ZNF680: variants seen among roughly 807,000 people sequenced by gnomAD.
ZNF680 encodes zinc finger protein 680.
In ZNF680, 6 loss-of-function variants were observed where a neutral mutation model predicts 12.1. The observed-to-expected ratio is 0.49, with a 90% CI of 0.27 to 0.98. ZNF680 has a LOEUF of 0.98. ZNF680 is among the 50% of genes least tolerant of loss of function. The pLI, the probability that ZNF680 is intolerant of heterozygous loss-of-function variation, is 0.12. For missense variants in ZNF680, 561 were observed against 616.3 expected, an observed-to-expected ratio of 0.91 and a Z score of 0.95; for synonymous variants, 170 against 199.3, an observed-to-expected ratio of 0.85 and a Z score of 1.24.
intron 1 of ZNF680, among the ~76,000 whole-genome samples, chr7:64,560,699 C>T (rs1787685954): frequency 6.6e-6 from 1 of 151,966 alleles, no homozygotes; most frequent in Non-Finnish European, 1.5e-5. Flanking sequence ...GTAGTCTCAG[C>T]TACTCAGGAG....
the ZNF680 span, among the ~76,000 whole-genome samples, chr7:64,504,512 A>G: frequency 6.6e-6 from 1 of 152,246 alleles, no homozygotes; most frequent in African/African-American, 2.4e-5. Flanking sequence ...AAAATTTTCC[A>G]TGAATCCAAA....
chr7:64,506,468 G>A, the ZNF680 span, among the ~76,000 whole-genome samples: 2 of 151,960 alleles, frequency 1.3e-5, no homozygotes, highest in African/African-American at 2.4e-5. Flanking sequence ...GATTACAGGC[G>A]TGAGCCACCA....
chr7:64,526,541 C>T (rs1791855335), intron 3 of ZNF680: 2 of 487,332 alleles, frequency 4.1e-6, no homozygotes, highest in Non-Finnish European at 7.0e-6. Flanking sequence ...AACAGAAATG[C>T]TAAAATGAGT....
At chr7:64,532,855 C>T (rs960231668) in intron 3 of ZNF680, among the ~76,000 whole-genome samples, 3 of 152,182 alleles carry the variant, frequency 2.0e-5, no homozygotes, top group Non-Finnish European at 4.4e-5. Flanking sequence ...ACCAGGGATG[C>T]AGAGATGGTT....
chr7:64,500,858 C>T, the ZNF680 span: 4 of 504,080 alleles, frequency 7.9e-6, no homozygotes, highest in East Asian at 4.7e-5. Flanking sequence ...AACAGATCCT[C>T]GCTCCATGAA....
In ZNF680 at chr7:64,520,978, T is replaced by C. The variant is rs1013710143; in HGVS notation, c.*183A>G. On this transcript the variant is annotated 3_prime_UTR_variant, in exon 4 of 4. Transcript: ENST00000309683. ...ACAATCTTTCTCAAGTAAAAATGCT[T>C]TCCTGTGCAATAAGATGTGAGTATT... 6 of 612,398 alleles carry C rather than the reference T, an allele frequency of 9.8e-6. No individual in the cohort carries two copies. The African/African-American group carries it at 1.1e-4, about 11-fold the overall frequency. The allele number at this position is 612,398 out of a possible 1,614,324, so 37.9% of individuals were successfully genotyped here. A position where few individuals can be genotyped will look rare whatever the true frequency, so the allele number is the denominator to read the frequency against.
rs542709699 is a variant in ZNF680, at chr7:64,530,771, C to T, written c.254-8271G>A. 4.6e-5 allele frequency among the ~76,000 whole-genome samples: 7 copies of T among 151,672 alleles called. No homozygotes were observed. In the East Asian group the frequency reaches 1.4e-3, roughly 30 times the overall value. On this transcript the variant is annotated intron_variant, in intron 3 of 3. Coordinates refer to ENST00000309683, the MANE Select transcript of ZNF680 (RefSeq NM_178558.5). ...CTACTCGGGAGGCTGAGGAGGAGAA[C>T]TGCTTGAACCCAGGAGGCGGAGGTT...
the ZNF680 span, chr7:64,501,465 A>C: frequency 1.1e-5 from 10 of 896,650 alleles, no homozygotes; most frequent in South Asian, 1.0e-4. Context: ...AAAACCTGGA[A>C]AAATTTAAAA....
At chr7:64,503,307 G>A in the ZNF680 span, among the ~76,000 whole-genome samples, 7 of 151,358 alleles carry the variant, frequency 4.6e-5, no homozygotes, top group African/African-American at 1.5e-4. Context: ...ACCTCTAAAG[G>A]TGGTAAATCA....
chr7:64,522,153 T>TA lies in ZNF680; in HGVS notation c.600dup (p.Ile201TyrfsTer6). 1 of 1,613,012 alleles carries TA rather than the reference T, an allele frequency of 6.2e-7. No individual in the cohort carries two copies. Among genetic ancestry groups the TA allele is most frequent in the Non-Finnish European group, 8.5e-7 (1 of 1,179,436 alleles). On this transcript the variant is annotated frameshift_variant, in exon 4 of 4. Coordinates refer to ENST00000309683, the MANE Select transcript of ZNF680 (RefSeq NM_178558.5). LOFTEE classifies it low-confidence loss of function (END_TRUNC). ...GAATTCTCTCTAGTGTGAATTCTTA[T>TA]ATGTTGTGTTAGATGTGAAAGCATG...
rs6957191 is a variant in ZNF680, at chr7:64,542,836, T to G, written c.253+871A>C. Among the ~76,000 whole-genome samples, 726 of 152,198 alleles carry G rather than the reference T, an allele frequency of 4.8e-3. 6 individuals carry two copies. Among genetic ancestry groups the G allele is most frequent in the African/African-American group, 0.017 (688 of 41,534 alleles). On this transcript the variant is annotated intron_variant, in intron 3 of 3. Transcript: ENST00000309683. ...GCCTCAGCCTTTTGGGTAGCTGGGA[T>G]TATAGGAACCTGCCACCATGCCAGG...
rs537839493 is a variant in ZNF680, at chr7:64,539,458, T to C, written c.253+4249A>G. 5.3e-5 allele frequency among the ~76,000 whole-genome samples: 8 copies of C among 151,684 alleles called. 1 individual carries two copies. The South Asian group carries it at 1.2e-3, about 24-fold the overall frequency. On this transcript the variant is annotated intron_variant, in intron 3 of 3. Coordinates refer to ENST00000309683, the MANE Select transcript of ZNF680 (RefSeq NM_178558.5). ...GAGCCAGTAACAAAATGATGGGTAC[T>C]GTATGATTCCACTTATGAGATATCT...
At chr7:64,513,086 G>C in the ZNF680 span, among the ~76,000 whole-genome samples, 1 of 152,082 alleles carries the variant, frequency 6.6e-6, no homozygotes, top group Non-Finnish European at 1.5e-5. Context: ...GCCAAAAAGC[G>C]TATGTGCCCC....
At chr7:64,526,333 G>T in intron 3 of ZNF680, 1 of 1,219,422 alleles carries the variant, frequency 8.2e-7, no homozygotes. Context: ...TAAAAATAAA[G>T]ACTTTTCAAA....
intron 3 of ZNF680, among the ~76,000 whole-genome samples, chr7:64,522,823 T>C (rs1791618513): frequency 2.6e-5 from 4 of 151,836 alleles, no homozygotes; most frequent in South Asian, 2.1e-4. Flanking sequence ...AGTGAATTTG[T>C]CAAGAAAATT....
At chr7:64,534,357 G>A (rs182348303) in intron 3 of ZNF680, among the ~76,000 whole-genome samples, 3 of 152,076 alleles carry the variant, frequency 2.0e-5, no homozygotes, top group Non-Finnish European at 4.4e-5. Flanking sequence ...CTAAGGACAC[G>A]AATAAACATT....
chr7:64,554,310 G>C (rs909407262), intron 1 of ZNF680, among the ~76,000 whole-genome samples: 1 of 151,816 alleles, frequency 6.6e-6, no homozygotes, highest in East Asian at 1.9e-4. Context: ...GTCTCTGACC[G>C]GCCACCCAGT....
the ZNF680 span, among the ~76,000 whole-genome samples, chr7:64,502,081 T>G: frequency 7.0e-6 from 1 of 143,604 alleles, no homozygotes. Context: ...CTTGCTTCAC[T>G]GCAACCTCCA....
At chr7:64,555,451 G>T (rs1787358124) in intron 1 of ZNF680, among the ~76,000 whole-genome samples, 1 of 151,472 alleles carries the variant, frequency 6.6e-6, no homozygotes, top group South Asian at 2.1e-4. Context: ...CAAGTTCATT[G>T]CAAAAAATGA....
Sources: gnomAD v4.1 joint callset for allele counts (sites outside exome capture counted in the v4.1 genomes callset) on GRCh38, gnomAD v4.1.1 for gene constraint, MANE v1.5 for transcripts, NCBI Gene and HGNC (gene_info 2026-07-23, HGNC 2026-07-21) for gene names.